GALNT13: variants seen among roughly 807,000 people sequenced by gnomAD.
The protein encoded by GALNT13 is polypeptide N-acetylgalactosaminyltransferase 13.
In GALNT13, 28 loss-of-function variants were observed where a neutral mutation model predicts 64.2. The ratio of observed to expected loss-of-function variants is 0.44; its 90% CI spans 0.32 to 0.60. The LOEUF (loss-of-function observed/expected upper bound fraction) is 0.60. Ranked by LOEUF, GALNT13 falls within the 20% of genes least tolerant of loss-of-function variation. The pLI is 0.05. For synonymous variants in GALNT13, 214 were observed against 224.6 expected (o/e 0.95, Z 0.42); for missense variants, 577 against 669.8 (o/e 0.86, Z 1.53).
At chr2:154,440,836 G>A (rs1701254010) in intron 12 of GALNT13, among the ~76,000 whole-genome samples, 1 of 152,202 alleles carries the variant, frequency 6.6e-6, no homozygotes, top group African/African-American at 2.4e-5. Context: ...TGCCTTTCTG[G>A]AAATTTCAGC....
Position 153,872,613 on chromosome 2 carries a change from T to TTCGGG in GALNT13, c.-177+310_-177+311insTCGGG, listed in dbSNP as rs146750938. On this transcript the variant is annotated intron_variant, in intron 1 of 12. Transcript: ENST00000392825. Reference sequence around the variant, plus strand: ...TTTTCTGGCTACCCCGGTGAGTTGTTGGTGGCGGGGGGGGGGGGGGGAGCG... The same window carrying TTCGGG: ...TTTTCTGGCTACCCCGGTGAGTTGTTTCGGGGGTGGCGGGGGGGGGGGGGGGAGCG... 4.0e-4 allele frequency among the ~76,000 whole-genome samples: 24 copies of TTCGGG among 60,720 alleles called. 2 individuals carry two copies. Among genetic ancestry groups the TTCGGG allele is most frequent in the Non-Finnish European group, 5.3e-4 (18 of 34,234 alleles). 39.8% of individuals were successfully genotyped at this position (60,720 alleles called of 152,430 possible). A position where few individuals can be genotyped will look rare whatever the true frequency, so the allele number is the denominator to read the frequency against.
chr2:153,718,375 C>T, the GALNT13 span, among the ~76,000 whole-genome samples: 3 of 151,160 alleles, frequency 2.0e-5, no homozygotes, highest in Non-Finnish European at 2.9e-5. Context: ...TCACCCGTGT[C>T]TGTTCCTGCT....
chr2:153,772,174 A>G, the GALNT13 span, among the ~76,000 whole-genome samples: 4 of 152,258 alleles, frequency 2.6e-5, no homozygotes, highest in South Asian at 6.2e-4. Context: ...AACTACTCCA[A>G]TCTCTGGCCC....
intron 4 of GALNT13, among the ~76,000 whole-genome samples, chr2:154,141,039 ATTATG>A (rs1683229102): frequency 6.6e-6 from 1 of 152,182 alleles, no homozygotes; most frequent in South Asian, 2.1e-4. Flanking sequence ...TAAATGTAAC[ATTATG>A]TTAAGTATTT....
the GALNT13 span, among the ~76,000 whole-genome samples, chr2:153,614,052 C>G: frequency 6.6e-6 from 1 of 151,644 alleles, no homozygotes; most frequent in Non-Finnish European, 1.5e-5. Context: ...TGAGTATTTC[C>G]CAAACTGAAG....
At chr2:153,626,109 C>T in the GALNT13 span, among the ~76,000 whole-genome samples, 3 of 152,036 alleles carry the variant, frequency 2.0e-5, no homozygotes, top group Non-Finnish European at 4.4e-5. Context: ...TTAACTGCTC[C>T]AATTTAATAA....
chr2:153,478,319 T>G, the GALNT13 span: 1 of 1,613,884 alleles, frequency 6.2e-7, no homozygotes, highest in African/African-American at 1.3e-5. Flanking sequence ...CCCTCGGACT[T>G]GATGAGCAGA....
At chr2:154,192,618 T>A (rs1686658199) in intron 4 of GALNT13, among the ~76,000 whole-genome samples, 1 of 152,246 alleles carries the variant, frequency 6.6e-6, no homozygotes, top group South Asian at 2.1e-4. Flanking sequence ...TTTATAAATT[T>A]TTTTTATCTT....
intron 2 of GALNT13, among the ~76,000 whole-genome samples, chr2:153,942,343 G>A (rs1199960867): frequency 6.6e-6 from 1 of 151,972 alleles, no homozygotes; most frequent in South Asian, 2.1e-4. Context: ...TATAAACTTG[G>A]GAATGGCCGT....
the GALNT13 span, among the ~76,000 whole-genome samples, chr2:153,836,418 G>A: frequency 6.6e-6 from 1 of 151,706 alleles, no homozygotes; most frequent in Non-Finnish European, 1.5e-5. Flanking sequence ...TAGATCTTCA[G>A]AATATATTCA....
the GALNT13 span, among the ~76,000 whole-genome samples, chr2:153,142,418 A>G: frequency 6.6e-6 from 1 of 152,068 alleles, no homozygotes; most frequent in African/African-American, 2.4e-5. Flanking sequence ...TAATGTCCTA[A>G]TGAGCAGAGA....
chr2:153,365,556 A>G, the GALNT13 span, among the ~76,000 whole-genome samples: 55 of 152,304 alleles, frequency 3.6e-4, 1 homozygote, highest in South Asian at 0.011. Context: ...AGAAAAAAAC[A>G]AATGGCCCCA....
At chr2:153,410,576 G>A in the GALNT13 span, among the ~76,000 whole-genome samples, 1 of 151,966 alleles carries the variant, frequency 6.6e-6, no homozygotes, top group Non-Finnish European at 1.5e-5. Flanking sequence ...GAAAGACATA[G>A]GAAACAAAAT....
chr2:153,175,475 C>T, the GALNT13 span, among the ~76,000 whole-genome samples: 9 of 152,178 alleles, frequency 5.9e-5, no homozygotes, highest in East Asian at 1.9e-4. Context: ...GATTAATTGA[C>T]GGGAGCCTAT....
intron 2 of GALNT13, among the ~76,000 whole-genome samples, chr2:153,914,120 T>C (rs918732873): frequency 4.6e-5 from 7 of 152,218 alleles, no homozygotes; most frequent in Admixed American, 4.6e-4. Flanking sequence ...CAAAATCTTA[T>C]AGCTTTATTG....
At chr2:153,367,014 AAC>A in the GALNT13 span, among the ~76,000 whole-genome samples, 2 of 48,266 alleles carry the variant, frequency 4.1e-5, no homozygotes, top group African/African-American at 2.1e-4. Context: ...CAAACAAACA[AAC>A]AAAAAAAAAA....
intron 8 of GALNT13, among the ~76,000 whole-genome samples, chr2:154,265,568 G>A (rs753129312): frequency 2.0e-5 from 3 of 152,030 alleles, no homozygotes; most frequent in Non-Finnish European, 4.4e-5. Flanking sequence ...GTGTGGTGGC[G>A]GGCACCTGTA....
At chr2:154,087,965 A>G (rs1263121987) in intron 3 of GALNT13, among the ~76,000 whole-genome samples, 2 of 152,108 alleles carry the variant, frequency 1.3e-5, no homozygotes, top group African/African-American at 4.8e-5. Flanking sequence ...TCACTTTCCA[A>G]TAATGCTTTT....
At chr2:153,667,135 T>G in the GALNT13 span, among the ~76,000 whole-genome samples, 1 of 152,064 alleles carries the variant, frequency 6.6e-6, no homozygotes, top group Admixed American at 6.6e-5. Flanking sequence ...GATATGAGAT[T>G]ATGTAAAGGC....
Sources: gnomAD v4.1 joint callset for allele counts (sites outside exome capture counted in the v4.1 genomes callset) on GRCh38, gnomAD v4.1.1 for gene constraint, MANE v1.5 for transcripts, NCBI Gene and HGNC (gene_info 2026-07-23, HGNC 2026-07-21) for gene names.